The following PRRX1 variants were observed in gnomAD, a reference collection of about 807,000 sequenced individuals.
PRRX1 encodes paired related homeobox 1.
Under a neutral mutation model 24.0 loss-of-function variants are expected in PRRX1, and 8 were observed. The observed-to-expected ratio is 0.33, with a 90% confidence interval of 0.20 to 0.60. PRRX1 has a LOEUF of 0.60. Among genes scored for constraint, PRRX1 ranks in the 20% least tolerant of loss-of-function variants. The probability of loss-of-function intolerance (pLI) is 0.82; values close to 1 mark genes in which losing one functional copy is unlikely to be tolerated. For synonymous variants in PRRX1, 160 were observed against 131.7 expected, an observed-to-expected ratio of 1.22 and a Z score of -1.47; for missense variants, 281 against 322.4, an observed-to-expected ratio of 0.87 and a Z score of 0.98.
At chr1:170,717,317 A>T (rs1481995056) in intron 1 of PRRX1, among the ~76,000 whole-genome samples, 1 of 152,250 alleles carries the variant, frequency 6.6e-6, no homozygotes. Flanking sequence ...TTGATTGAAC[A>T]GTGGAATATT....
chr1:170,705,937 C>T (rs990995121), intron 1 of PRRX1, among the ~76,000 whole-genome samples: 15 of 46,508 alleles, frequency 3.2e-4, no homozygotes, highest in African/African-American at 2.2e-3. Context: ...CACACACATA[C>T]ACACACACAC....
At chr1:170,724,134 T>G (rs769549833) in intron 2 of PRRX1, among the ~76,000 whole-genome samples, 1 of 152,174 alleles carries the variant, frequency 6.6e-6, no homozygotes, top group Non-Finnish European at 1.5e-5. Flanking sequence ...TTCATGGGAT[T>G]GTTTGTTTTT....
chr1:170,668,854 G>C (rs1159863487), intron 1 of PRRX1: 1 of 152,168 alleles, frequency 6.6e-6, no homozygotes, highest in Non-Finnish European at 1.5e-5. Context: ...CGTTGAAGAG[G>C]GGAGCCAATG....
chr1:170,671,466 C>T (rs1653142350), intron 1 of PRRX1, among the ~76,000 whole-genome samples: 1 of 152,370 alleles, frequency 6.6e-6, no homozygotes, highest in South Asian at 2.1e-4. Flanking sequence ...GCGCTGCTTT[C>T]CGCCGGGTAA....
chr1:170,689,851 T>TCC (rs1458465854), intron 1 of PRRX1, among the ~76,000 whole-genome samples: 9 of 150,088 alleles, frequency 6.0e-5, no homozygotes, highest in Middle Eastern at 3.4e-3. Context: ...TCTCTCTCTC[T>TCC]CTCTCTCTCT....
chr1:170,722,390 A>G (rs927467760), intron 2 of PRRX1, among the ~76,000 whole-genome samples: 2 of 151,806 alleles, frequency 1.3e-5, no homozygotes, highest in Non-Finnish European at 2.9e-5. Flanking sequence ...TTTTTTCCTC[A>G]TACACTTATC....
chr1:170,726,415 C>G lies in PRRX1; in HGVS notation c.599+14C>G. The G allele has an allele frequency of 6.2e-7, 1 of 1,612,422 alleles. No homozygotes were observed. The highest frequency in any genetic ancestry group is 8.5e-7 in the Non-Finnish European group (1 of 1,178,544). ...GTCTCCGTACAGGTGAATGACTGGC[C>G]CACTCTCCCTTGCTCCACTTCCACA... On this transcript the variant is annotated intron_variant, in intron 3 of 3. Transcript: ENST00000239461.
chr1:170,708,267 A>G (rs1279891644), intron 1 of PRRX1, among the ~76,000 whole-genome samples: 1 of 152,194 alleles, frequency 6.6e-6, no homozygotes, highest in African/African-American at 2.4e-5. Flanking sequence ...AGGGGACATG[A>G]TTCAATGGAA....
Position 170,726,261 on chromosome 1 carries a change from G to C in PRRX1, c.459G>C (p.Glu153Asp). The change falls in exon 3 of 4, where the codon GAG becomes GAC. Residue 153 changes from glutamate to aspartate, a missense_variant. Coordinates refer to ENST00000239461, the MANE Select transcript of PRRX1 (RefSeq NM_022716.4). ...QNRRAKFRRNERAMLANKNAS... is the reference protein window; with the variant it reads ...QNRRAKFRRNDRAMLANKNAS... ...GAAGAGCCAAGTTCCGCAGGAATGA[G>C]AGAGCCATGCTAGCCAATAAAAACG... The C allele has an allele frequency of 6.2e-7, 1 of 1,614,068 alleles. No homozygotes were observed. Among genetic ancestry groups the C allele is most frequent in the Non-Finnish European group, 8.5e-7 (1 of 1,179,994 alleles).
rs1655381547 is a variant in PRRX1 at position 170,730,106 on chromosome 1, A to C, written c.599+3705A>C. 10 of 716,892 alleles carry C rather than the reference A, an allele frequency of 1.4e-5. No homozygotes were observed. The South Asian group carries it at 1.6e-4, about 11-fold the overall frequency. The allele number at this position is 716,892 out of a possible 1,614,324, so 44.4% of individuals were successfully genotyped here. ...TACCTGAAGTGCCATTTCCAGAGGG[A>C]GGGCTGGGCTTAAAAGAAAGCTAGT... is the stretch of plus-strand genomic sequence containing the variant. On this transcript the variant is annotated intron_variant, in intron 3 of 3. Coordinates refer to ENST00000239461, the MANE Select transcript of PRRX1 (RefSeq NM_022716.4).
At chr1:170,722,701 G>C (rs1359543549) in intron 2 of PRRX1, 1 of 152,202 alleles carries the variant, frequency 6.6e-6, no homozygotes, top group African/African-American at 2.4e-5. Context: ...AACTGATTAG[G>C]AGACAAAGGA....
At chr1:170,730,263 A>G (rs1236833408) in intron 3 of PRRX1, 5 of 1,599,538 alleles carry the variant, frequency 3.1e-6, no homozygotes, top group Non-Finnish European at 3.4e-6. Context: ...TCCCTTTCAC[A>G]CTTTCAAAAA....
intron 1 of PRRX1, among the ~76,000 whole-genome samples, chr1:170,711,787 A>G (rs1571339071): frequency 6.6e-6 from 1 of 152,142 alleles, no homozygotes; most frequent in East Asian, 1.9e-4. Flanking sequence ...TCCTAGTCAA[A>G]TTCCTAGTCA....
At chr1:170,672,928 G>C (rs907674718) in intron 1 of PRRX1, among the ~76,000 whole-genome samples, 1 of 152,120 alleles carries the variant, frequency 6.6e-6, no homozygotes, top group African/African-American at 2.4e-5. Flanking sequence ...GCAGTTTGCC[G>C]AAAATCTGTG....
At chr1:170,688,464 T>C (rs1244399093) in intron 1 of PRRX1, among the ~76,000 whole-genome samples, 1 of 152,128 alleles carries the variant, frequency 6.6e-6, no homozygotes, top group African/African-American at 2.4e-5. Flanking sequence ...AGTTTCTAAC[T>C]TTTAATATCC....
intron 1 of PRRX1, among the ~76,000 whole-genome samples, chr1:170,684,735 A>G (rs1395805061): frequency 6.6e-6 from 1 of 152,224 alleles, no homozygotes; most frequent in Non-Finnish European, 1.5e-5. Flanking sequence ...CCTGGACAAC[A>G]GAGTGAGACT....
In PRRX1 at chr1:170,736,205, C is replaced by G; in HGVS notation, c.*19C>G. The G allele has an allele frequency of 6.2e-7, 1 of 1,613,862 alleles. No individual in the cohort carries two copies. Among genetic ancestry groups the G allele is most frequent in the Non-Finnish European group, 8.5e-7 (1 of 1,179,818 alleles). On this transcript the variant is annotated 3_prime_UTR_variant, in exon 4 of 4. Coordinates refer to ENST00000239461, the MANE Select transcript of PRRX1 (RefSeq NM_022716.4). The stretch of plus-strand genomic sequence containing the variant: ...CAACTGAGGAAAAAAAATAATTAAA[C>G]AGGCCTAAGAAGAAATCAAAAACCA...
intron 1 of PRRX1, among the ~76,000 whole-genome samples, chr1:170,691,538 C>A (rs1234011871): frequency 6.8e-6 from 1 of 147,678 alleles, no homozygotes; most frequent in African/African-American, 2.5e-5. Flanking sequence ...TCCCTCTCTT[C>A]CTTCCTTCCT....
intron 1 of PRRX1, among the ~76,000 whole-genome samples, chr1:170,686,645 C>T (rs1291815177): frequency 6.6e-6 from 1 of 152,074 alleles, no homozygotes; most frequent in Non-Finnish European, 1.5e-5. Context: ...CTTGTGCAGT[C>T]GATTCCATGA....
Sources: gnomAD v4.1 joint callset for allele counts (sites outside exome capture counted in the v4.1 genomes callset) on GRCh38, gnomAD v4.1.1 for gene constraint, MANE v1.5 for transcripts, NCBI Gene and HGNC (gene_info 2026-07-23, HGNC 2026-07-21) for gene names.